The following CD47 variants were observed in gnomAD, a reference collection of about 807,000 sequenced individuals.
CD47 encodes CD47 molecule, also known as leukocyte surface antigen CD47.
A neutral mutation model predicts 44.6 loss-of-function variants in CD47; 11 were observed. The observed-to-expected ratio is 0.25, with a 90% CI of 0.16 to 0.41. The LOEUF is 0.41. Among genes scored for constraint, CD47 ranks in the 10% least tolerant of loss-of-function variants. The probability of loss-of-function intolerance (pLI) is 1.00; values close to 1 mark genes in which losing one functional copy is unlikely to be tolerated. For missense variants in CD47, 306 were observed against 386.7 expected, an observed-to-expected ratio of 0.79 and a Z score of 1.75; for synonymous variants, 140 against 136.3, an observed-to-expected ratio of 1.03 and a Z score of -0.19.
chr3:108,077,747 A>C (rs1040124683), intron 2 of CD47, among the ~76,000 whole-genome samples: 19 of 152,150 alleles, frequency 1.2e-4, no homozygotes, highest in African/African-American at 4.6e-4. Context: ...CTATTGATAG[A>C]TGCAAAAACT....
At chr3:108,050,520 T>C in intron 9 of CD47, 58 bp downstream of exon 9, 2 of 793,652 alleles carry the variant, frequency 2.5e-6, no homozygotes, top group East Asian at 5.5e-5. Flanking sequence ...TCTAACTGTT[T>C]TGCGGGCCAG....
intron 3 of CD47, among the ~76,000 whole-genome samples, chr3:108,067,230 CA>C (rs1222917841): frequency 3.3e-5 from 5 of 151,914 alleles, no homozygotes; most frequent in Admixed American, 1.3e-4. Flanking sequence ...GTTTTAACAA[CA>C]AAAAAAATTT....
chr3:108,080,893 A>G (rs2079404758), intron 1 of CD47, among the ~76,000 whole-genome samples: 1 of 151,908 alleles, frequency 6.6e-6, no homozygotes, highest in African/African-American at 2.4e-5. Flanking sequence ...GATGAATCAA[A>G]TCATATCTTT....
In CD47 at chr3:108,074,516, G is replaced by A. The variant is rs1034136869; in HGVS notation, c.401-3334C>T. 3.3e-5 allele frequency among the ~76,000 whole-genome samples: 5 copies of A among 151,932 alleles called. No homozygotes were observed. The South Asian group carries it at 1.0e-3, about 32-fold the overall frequency. On this transcript the variant is annotated intron_variant, in intron 2 of 10. Transcript: ENST00000361309. ...TTTGGTAGAGACAGGGTTTTATCAT[G>A]TTGGCCAGGCTGGTCTCAAATTCCT...
chr3:108,056,425 A>C (rs1457891356), intron 7 of CD47, among the ~76,000 whole-genome samples: 1 of 152,186 alleles, frequency 6.6e-6, no homozygotes, highest in African/African-American at 2.4e-5. Flanking sequence ...TCAAGAACCA[A>C]AGTTCAGAAA....
At chr3:108,057,616 C>T (rs2078933239) in intron 6 of CD47, 47 bp from the exon 7 acceptor site, 2 of 965,210 alleles carry the variant, frequency 2.1e-6, no homozygotes. Flanking sequence ...TATGAAATAA[C>T]TTACTAAAAA....
At chr3:108,062,457 A>G (rs2079030801) in intron 3 of CD47, among the ~76,000 whole-genome samples, 1 of 152,296 alleles carries the variant, frequency 6.6e-6, no homozygotes, top group East Asian at 1.9e-4. Context: ...AAAGGGTTAT[A>G]AAGTAGAAGC....
chr3:108,084,809 T>C (rs1023383883), intron 1 of CD47, among the ~76,000 whole-genome samples: 3 of 151,996 alleles, frequency 2.0e-5, no homozygotes, highest in Non-Finnish European at 2.9e-5. Flanking sequence ...TCAACCTAAT[T>C]AATAGTTCCT....
intron 7 of CD47, chr3:108,053,700 T>C (rs1165270308): frequency 6.6e-6 from 1 of 152,284 alleles, no homozygotes; most frequent in African/African-American, 2.4e-5. Flanking sequence ...GGCCCAGTTA[T>C]GTATCTGAGC....
At chr3:108,085,238 C>T (rs1414216436) in intron 1 of CD47, among the ~76,000 whole-genome samples, 1 of 152,084 alleles carries the variant, frequency 6.6e-6, no homozygotes, top group Non-Finnish European at 1.5e-5. Flanking sequence ...CTGTTATACA[C>T]TATTACCCCA....
chr3:108,045,461 T>C lies in CD47; in HGVS notation c.*1827A>G, dbSNP rs2078706813. ...ATAAAGGAATACAGCTCCCTCTATA[T>C]ATGTTATTATTTTGGACAGCTACAC... On this transcript the variant is annotated 3_prime_UTR_variant, in exon 11 of 11. Transcript: ENST00000361309. 1 of 152,576 alleles carries C rather than the reference T, an allele frequency of 6.6e-6. No individual in the cohort carries two copies. Among genetic ancestry groups the C allele is most frequent in the Admixed American group, 6.5e-5 (1 of 15,274 alleles). 9.5% of individuals were successfully genotyped at this position (152,576 alleles called of 1,614,324 possible). A position where few individuals can be genotyped will look rare whatever the true frequency, so the allele number is the denominator to read the frequency against.
chr3:108,060,416 GGAGGAGGCAATGT>G (rs1316020651), intron 4 of CD47, among the ~76,000 whole-genome samples: 1 of 152,326 alleles, frequency 6.6e-6, no homozygotes, highest in East Asian at 1.9e-4. Context: ...CATAGAGGAA[GGAGGAGGCAATGT>G]GACCAGAGAG....
At chr3:108,055,811 G>A (rs1199852533) in intron 7 of CD47, among the ~76,000 whole-genome samples, 1 of 152,290 alleles carries the variant, frequency 6.6e-6, no homozygotes, top group African/African-American at 2.4e-5. Flanking sequence ...TTGGAGGAAC[G>A]TAAGTGATGG....
intron 3 of CD47, among the ~76,000 whole-genome samples, chr3:108,062,153 A>T (rs190851941): frequency 6.6e-6 from 1 of 152,138 alleles, no homozygotes; most frequent in African/African-American, 2.4e-5. Flanking sequence ...AGAGAAACCC[A>T]TATTAATCAG....
At chr3:108,067,553 G>A (rs941167266) in intron 3 of CD47, among the ~76,000 whole-genome samples, 2 of 152,198 alleles carry the variant, frequency 1.3e-5, no homozygotes, top group African/African-American at 4.8e-5. Flanking sequence ...GAACTTAATT[G>A]TCAGTAGAGT....
At chr3:108,079,197 A>G (rs2079366637) in intron 2 of CD47, among the ~76,000 whole-genome samples, 2 of 152,006 alleles carry the variant, frequency 1.3e-5, no homozygotes, top group African/African-American at 2.4e-5. Context: ...GGTAATTCTA[A>G]ATAGAGATTT....
At chr3:108,077,093 A>C (rs191524718) in intron 2 of CD47, among the ~76,000 whole-genome samples, 1 of 152,160 alleles carries the variant, frequency 6.6e-6, no homozygotes, top group Non-Finnish European at 1.5e-5. Flanking sequence ...CCTCCAAAAA[A>C]TTTAAAAAGG....
chr3:108,057,389 C>A, intron 7 of CD47, 88 bp downstream of exon 7: 1 of 659,402 alleles, frequency 1.5e-6, no homozygotes, highest in South Asian at 1.7e-5. Flanking sequence ...ATTTTTGGTC[C>A]TAAACTGGAA....
intron 2 of CD47, among the ~76,000 whole-genome samples, chr3:108,079,229 A>T (rs997133037): frequency 6.6e-6 from 1 of 151,984 alleles, no homozygotes; most frequent in African/African-American, 2.4e-5. Flanking sequence ...GAACATACTC[A>T]TATGGGGTTG....
Sources: allele counts gnomAD v4.1 joint callset (sites outside exome capture counted in the v4.1 genomes callset), GRCh38; gene constraint gnomAD v4.1.1; transcripts MANE v1.5; gene names NCBI Gene and HGNC (gene_info 2026-07-23, HGNC 2026-07-21).